The following YBX2 variants were observed in gnomAD, a reference collection of about 807,000 sequenced individuals.
YBX2 encodes the protein Y-box binding protein 2, also known as Y-box-binding protein 2.
In YBX2, 5 loss-of-function variants were observed where a neutral mutation model predicts 44.4. The observed-to-expected ratio is 0.11, with a 90% CI of 0.06 to 0.24. The LOEUF is 0.24. YBX2 is among the 10% of genes least tolerant of loss of function. YBX2 has a pLI of 1.00. For synonymous variants in YBX2, 188 were observed against 216.1 expected (o/e 0.87, Z 1.14); for missense variants, 417 against 526.9 (o/e 0.79, Z 2.04).
In YBX2 at chr17:7,294,239, G is replaced by T; in HGVS notation, c.262C>A (p.Pro88Thr). The change falls in exon 1 of 9, where the codon CCG (proline) becomes ACG (threonine). Residue 88 changes from proline (P) to threonine (T), a missense_variant. This residue lies in a region of YBX2 where 121 missense variants were observed against 141.3 expected (regional missense o/e 0.86). Coordinates refer to ENST00000007699, the MANE Select transcript of YBX2 (RefSeq NM_015982.4). This position sits in a 1 kb window ranked among gnomAD's most constrained non-coding sequence, Gnocchi z 4.6. ...CGCGCCTGCCCCTCACCCAGCACCG[G>T]CTTGTCCGCCTGACTCCGGGCCGGG... Reference protein sequence around the residue: ...APPARSQADKPVLAIQVLGTV... With the variant: ...APPARSQADKTVLAIQVLGTV... 1.6e-6 allele frequency: 2 copies of T among 1,274,520 alleles called. No homozygotes were observed. The highest frequency in any genetic ancestry group is 2.0e-6 in the Non-Finnish European group (2 of 1,016,836). The allele number at this position is 1,274,520 out of a possible 1,614,324, so 79.0% of individuals were successfully genotyped here.
chr17:7,294,215 G>T lies in YBX2; in HGVS notation c.271+15C>A, dbSNP rs867484308. The T allele has an allele frequency of 4.0e-6, 5 of 1,263,844 alleles. No homozygotes were observed. The South Asian group carries it at 1.6e-4, about 41-fold the overall frequency. The allele number at this position is 1,263,844 out of a possible 1,614,324, so 78.3% of individuals were successfully genotyped here. A position where few individuals can be genotyped will look rare whatever the true frequency, so the allele number is the denominator to read the frequency against. ...CCGACCCCTCAGAGCCGCCCTGTGC[G>T]CGCCTGCCCCTCACCCAGCACCGGC... On this transcript the variant is annotated intron_variant, in intron 1 of 8. Coordinates refer to ENST00000007699, the MANE Select transcript of YBX2 (RefSeq NM_015982.4). The surrounding 1 kb of genome is among the most constrained non-coding windows in gnomAD (Gnocchi z 4.6).
intron 6 of YBX2, 112 bp from the exon 7 acceptor site, chr17:7,289,837 C>T (rs367576149): frequency 2.5e-6 from 4 of 1,588,040 alleles, no homozygotes; most frequent in East Asian, 2.2e-5. Flanking sequence ...TGAGCACTGC[C>T]TCCCCGCAAG....
chr17:7,292,554 C>G (rs537239841), intron 2 of YBX2: 6 of 181,766 alleles, frequency 3.3e-5, no homozygotes, highest in Admixed American at 1.1e-4. Flanking sequence ...GGAACTTGCT[C>G]TAAACAGCTG....
At chr17:7,290,205 C>T in intron 5 of YBX2, 46 bp downstream of exon 5, 2 of 1,607,712 alleles carry the variant, frequency 1.2e-6, no homozygotes, top group Non-Finnish European at 1.7e-6. Flanking sequence ...TCCCACTCCT[C>T]TCCTGAACTT....
At chr17:7,289,482 G>A in intron 7 of YBX2, 48 bp downstream of exon 7, 8 of 1,556,442 alleles carry the variant, frequency 5.1e-6, no homozygotes, top group African/African-American at 1.4e-5. Context: ...AGGTGGGGGA[G>A]GGAGCTGGTC....
chr17:7,290,646 T>C, intron 4 of YBX2, 111 bp from the exon 5 acceptor site: 1 of 1,294,446 alleles, frequency 7.7e-7, no homozygotes, highest in Non-Finnish European at 1.1e-6. Context: ...TTCCTTTAGC[T>C]CCTCTAACTT....
Position 7,294,067 on chromosome 17 carries a change from C to T in YBX2, c.271+163G>A, listed in dbSNP as rs973029038. 203 of 832,268 alleles carry T rather than the reference C, an allele frequency of 2.4e-4. No individual in the cohort carries two copies. Among genetic ancestry groups the T allele is most frequent in the Non-Finnish European group, 3.3e-4 (202 of 619,386 alleles). 51.6% of individuals were successfully genotyped at this position (832,268 alleles called of 1,614,324 possible). A position where few individuals can be genotyped will look rare whatever the true frequency, so the allele number is the denominator to read the frequency against. On this transcript the variant is annotated intron_variant, in intron 1 of 8. Transcript: ENST00000007699. This position sits in a 1 kb window ranked among gnomAD's most constrained non-coding sequence, Gnocchi z 4.6. ...CTCCCAGGAAGGTACGGCAGGATTT[C>T]CCACCAGGGGAATCCACTTTGGTGC... is the stretch of plus-strand genomic sequence containing the variant.
chr17:7,292,314 C>T (rs1365616910), intron 2 of YBX2: 2 of 518,732 alleles, frequency 3.9e-6, no homozygotes, highest in African/African-American at 1.9e-5. Context: ...GAGGCAAAGG[C>T]ACCTTGAGGA....
intron 2 of YBX2, chr17:7,292,368 C>T: frequency 2.5e-6 from 1 of 407,994 alleles, no homozygotes; most frequent in Admixed American, 3.5e-5. Context: ...CCTTCCACCC[C>T]AGGCTAGCCT....
Position 7,289,522 on chromosome 17 carries a change from G to A in YBX2, c.1044+8C>T. 6.3e-7 allele frequency: 1 copy of A among 1,594,700 alleles called. No individual in the cohort carries two copies. The highest frequency in any genetic ancestry group is 1.1e-5 in the South Asian group (1 of 89,264). ...CCTTTTCTTTCATCCCACATCTGAG[G>A]TCCTCACCTCAGGGGCTGCGGGCTG... On this transcript the variant is annotated splice_region_variant and intron_variant, in intron 7 of 8. Coordinates refer to ENST00000007699, the MANE Select transcript of YBX2 (RefSeq NM_015982.4).
intron 4 of YBX2, among the ~76,000 whole-genome samples, 190 bp downstream of exon 4, chr17:7,290,903 G>A (rs544806810): frequency 7.2e-5 from 11 of 152,268 alleles, no homozygotes; most frequent in East Asian, 3.9e-4. Context: ...ACTGCCGACC[G>A]ATGACAGGGA....
chr17:7,290,367 C>A lies in YBX2; in HGVS notation c.628G>T (p.Gly210Trp). Reference protein sequence around the residue: ...PSAGTGPGSKGERAEDSGQRP... With the variant: ...PSAGTGPGSKWERAEDSGQRP... ...TGCCCAGAGTCTTCAGCCCGCTCCC[C>A]TTTACTGCCAGGTCCTGTCCCCGCC... Residue 210 changes from glycine (G) to tryptophan (W), a missense_variant, in exon 5 of 9, where the codon GGG becomes TGG. By Grantham distance (184) the Gly-to-Trp change is radical (BLOSUM62 -2). This residue lies in a region of YBX2 where 257 missense variants were observed against 261.7 expected (regional missense o/e 0.98). Transcript: ENST00000007699. 6.2e-7 allele frequency: 1 copy of A among 1,613,998 alleles called. No homozygotes were observed. Among genetic ancestry groups the A allele is most frequent in the Non-Finnish European group, 8.5e-7 (1 of 1,180,018 alleles).
chr17:7,290,899 G>A (rs1394435372), intron 4 of YBX2, among the ~76,000 whole-genome samples, 194 bp downstream of exon 4: 1 of 152,124 alleles, frequency 6.6e-6, no homozygotes, highest in African/African-American at 2.4e-5. Flanking sequence ...AGACACTGCC[G>A]ACCGATGACA....
rs577147220 is a variant in YBX2, at chr17:7,288,390, G to A, written c.*293C>T. ...GGGCAAGAAAAGCAACCAGGAGGAG[G>A]TAAGAGCTGGCTGGTTCCTTCTCAG... On this transcript the variant is annotated 3_prime_UTR_variant, in exon 9 of 9. Transcript: ENST00000007699. 5 of 182,610 alleles carry A rather than the reference G, an allele frequency of 2.7e-5. No individual in the cohort carries two copies. Among genetic ancestry groups the A allele is most frequent in the Admixed American group, 2.3e-4 (4 of 17,720 alleles). 11.3% of individuals were successfully genotyped at this position (182,610 alleles called of 1,614,324 possible).
Position 7,294,193 on chromosome 17 carries a change from A to AC in YBX2, c.271+36dup, listed in dbSNP as rs968061724. ...ACACTGCCCCTCCCCCAGCCCGCCG[A>AC]CCCCTCAGAGCCGCCCTGTGCGCGC... On this transcript the variant is annotated intron_variant, in intron 1 of 8. Coordinates refer to ENST00000007699, the MANE Select transcript of YBX2 (RefSeq NM_015982.4). This position sits in a 1 kb window ranked among gnomAD's most constrained non-coding sequence, Gnocchi z 4.6. 99 of 1,233,312 alleles carry AC rather than the reference A, an allele frequency of 8.0e-5. No individual in the cohort carries two copies. Among genetic ancestry groups the AC allele is most frequent in the African/African-American group, 6.5e-4 (41 of 63,318 alleles). The allele number at this position is 1,233,312 out of a possible 1,614,324, so 76.4% of individuals were successfully genotyped here. A position where few individuals can be genotyped will look rare whatever the true frequency, so the allele number is the denominator to read the frequency against.
chr17:7,290,506 A>G lies in YBX2; in HGVS notation c.489T>C (p.Pro163=), dbSNP rs1310115580. The G allele has an allele frequency of 1.9e-6, 3 of 1,612,272 alleles. No individual in the cohort carries two copies. In the Admixed American group the frequency reaches 5.0e-5, roughly 27 times the overall value. ...GGCTGCCCTTCACGGGTACTCCCCC[A>G]GGCCCAGTTACATTAGTGGCTTCTG... The part of the protein sequence containing the change: ...KGAEATNVTG[P]GGVPVKGSRY... Residue 163 remains proline (P), a synonymous_variant, in exon 5 of 9, where the codon CCT becomes CCC. Transcript: ENST00000007699.
chr17:7,289,196 T>C (rs1444405147), intron 7 of YBX2, among the ~76,000 whole-genome samples: 1 of 151,738 alleles, frequency 6.6e-6, no homozygotes, highest in Non-Finnish European at 1.5e-5. Context: ...ACTTCAACCT[T>C]CTTTCACTTT....
intron 2 of YBX2, 61 bp downstream of exon 2, chr17:7,293,414 C>G: frequency 6.2e-7 from 1 of 1,611,528 alleles, no homozygotes; most frequent in Non-Finnish European, 8.5e-7. Context: ...GGCGGGTGTC[C>G]AGTCCCACAG....
At chr17:7,290,986 C>T (rs1290502944) in intron 4 of YBX2, 107 bp downstream of exon 4, 15 of 1,116,838 alleles carry the variant, frequency 1.3e-5, no homozygotes, top group Non-Finnish European at 1.8e-5. Flanking sequence ...GTCCCATTCC[C>T]GCAGAACGGG....
Sources: gnomAD v4.1 joint callset for allele counts (sites outside exome capture counted in the v4.1 genomes callset) on GRCh38, gnomAD v4.1.1 for gene constraint, gnomAD v4.1.1 regional missense constraint, Gnocchi (gnomAD v3.1) non-coding constraint, MANE v1.5 for transcripts, NCBI Gene and HGNC (gene_info 2026-07-23, HGNC 2026-07-21) for gene names.